The following PPP1R12B variants were observed in gnomAD, a reference collection of about 807,000 sequenced individuals.
PPP1R12B encodes the protein protein phosphatase 1 regulatory subunit 12B, also known as myosin phosphatase target subunit 2.
In PPP1R12B, 76 loss-of-function variants were observed where a neutral mutation model predicts 126.1. The ratio of observed to expected loss-of-function variants is 0.60; its 90% confidence interval spans 0.50 to 0.73. The LOEUF is 0.73. Among genes scored for constraint, PPP1R12B ranks in the 30% least tolerant of loss-of-function variants. The probability of loss-of-function intolerance (pLI) is 0.00; values close to 1 mark genes in which losing one functional copy is unlikely to be tolerated. For synonymous variants in PPP1R12B, 356 were observed against 434.7 expected (o/e 0.82, Z 2.25); for missense variants, 1,052 against 1,205.1 (o/e 0.87, Z 1.88).
chr1:202,496,152 T>A (rs1366954629), intron 17 of PPP1R12B, among the ~76,000 whole-genome samples: 1 of 152,244 alleles, frequency 6.6e-6, no homozygotes, highest in Non-Finnish European at 1.5e-5. Flanking sequence ...TTAGTTTTAC[T>A]GTTTTAGAGA....
chr1:202,511,083 CAG>C (rs1681439394), intron 18 of PPP1R12B, among the ~76,000 whole-genome samples: 2 of 146,248 alleles, frequency 1.4e-5, no homozygotes, highest in Non-Finnish European at 3.0e-5. Flanking sequence ...TATATATTAG[CAG>C]AGTCTTTTAA....
At chr1:202,554,108 T>C (rs1184389639) in intron 18 of PPP1R12B, among the ~76,000 whole-genome samples, 1 of 152,128 alleles carries the variant, frequency 6.6e-6, no homozygotes, top group Non-Finnish European at 1.5e-5. Context: ...TAAATCCAAC[T>C]AGTGTTTTTT....
Position 202,377,832 on chromosome 1 carries a change from G to GTTTTTTTTTTT in PPP1R12B, c.291+28707_291+28717dup, listed in dbSNP as rs74860606. On this transcript the variant is annotated intron_variant, in intron 1 of 23. Coordinates refer to ENST00000608999, the MANE Select transcript of PPP1R12B (RefSeq NM_002481.4). ...GGAGAAAGAAAGGTCAAAGACAGGT[G>GTTTTTTTTTTT]TTTTTTTTTTTTTTTTTTTTTTTTT... Among the ~76,000 whole-genome samples, 27 of 97,266 alleles carry GTTTTTTTTTTT rather than the reference G, an allele frequency of 2.8e-4. 5 individuals carry two copies. Among genetic ancestry groups the GTTTTTTTTTTT allele is most frequent in the African/African-American group, 1.3e-3 (26 of 20,138 alleles). The allele number at this position is 97,266 out of a possible 152,430, so 63.8% of individuals were successfully genotyped here.
intron 13 of PPP1R12B, among the ~76,000 whole-genome samples, chr1:202,486,446 C>A (rs1284980821): frequency 1.3e-5 from 2 of 152,072 alleles, no homozygotes; most frequent in Non-Finnish European, 2.9e-5. Flanking sequence ...TCTTAAAAAA[C>A]AATTACCAAA....
intron 18 of PPP1R12B, among the ~76,000 whole-genome samples, chr1:202,509,769 T>C (rs1681222951): frequency 6.6e-6 from 1 of 152,168 alleles, no homozygotes. Flanking sequence ...GGAAAAACAT[T>C]TTGGGGATTT....
chr1:202,516,031 T>C (rs1417159560), intron 18 of PPP1R12B, among the ~76,000 whole-genome samples: 1 of 152,216 alleles, frequency 6.6e-6, no homozygotes, highest in Non-Finnish European at 1.5e-5. Flanking sequence ...TGCCAAATTA[T>C]ATACTCCCTG....
chr1:202,505,716 T>C (rs1680732397), intron 18 of PPP1R12B, among the ~76,000 whole-genome samples: 1 of 152,230 alleles, frequency 6.6e-6, no homozygotes, highest in Admixed American at 6.5e-5. Context: ...TAGTTATTTA[T>C]GTAGTAAAGT....
chr1:202,504,156 A>G (rs1385355388), intron 18 of PPP1R12B, among the ~76,000 whole-genome samples: 3 of 152,090 alleles, frequency 2.0e-5, no homozygotes, highest in Non-Finnish European at 4.4e-5. Flanking sequence ...GCACTTTAGG[A>G]GGCCGAGGCA....
chr1:202,378,950 C>G (rs539240835), intron 1 of PPP1R12B, among the ~76,000 whole-genome samples: 4 of 152,288 alleles, frequency 2.6e-5, no homozygotes, highest in African/African-American at 7.2e-5. Context: ...CCATTGCCCA[C>G]TCTTTGCCCA....
rs755715183 is a variant in PPP1R12B, at chr1:202,495,687, G to A, written c.2448+5G>A. 6.2e-7 allele frequency: 1 copy of A among 1,612,598 alleles called. No homozygotes were observed. The highest frequency in any genetic ancestry group is 1.1e-5 in the South Asian group (1 of 91,042). On this transcript the variant is annotated splice_donor_5th_base_variant and intron_variant, in intron 17 of 23. Coordinates refer to ENST00000608999, the MANE Select transcript of PPP1R12B (RefSeq NM_002481.4). ...ATCAATTTCTGGACAAAGGATGTAA[G>A]TGGATTGGTCTGTGCTGAGGCATAT...
chr1:202,462,970 C>G, intron 13 of PPP1R12B: 1 of 985,238 alleles, frequency 1.0e-6, no homozygotes, highest in Non-Finnish European at 1.2e-6. Flanking sequence ...GGAAGTTGAT[C>G]TGGGTGTTCT....
At chr1:202,466,662 C>G (rs572237001) in intron 13 of PPP1R12B, among the ~76,000 whole-genome samples, 1 of 152,262 alleles carries the variant, frequency 6.6e-6, no homozygotes, top group East Asian at 1.9e-4. Flanking sequence ...TTCATGTAGG[C>G]ACTCCATAAC....
At position 202,365,237 on chromosome 1, in the gene PPP1R12B, G is replaced by A. The variant is rs567929866; in HGVS notation, c.291+16095G>A. On this transcript the variant is annotated intron_variant, in intron 1 of 23. Coordinates refer to ENST00000608999, the MANE Select transcript of PPP1R12B (RefSeq NM_002481.4). ...TGCCAAGGCGAGAGGATCACTTGAGGCCAGGAGTTTGAGACCAGCCTGGGC... is the reference window on the plus strand; with the variant it reads ...TGCCAAGGCGAGAGGATCACTTGAGACCAGGAGTTTGAGACCAGCCTGGGC... 4.6e-5 allele frequency among the ~76,000 whole-genome samples: 7 copies of A among 152,054 alleles called. No homozygotes were observed. The South Asian group carries it at 1.5e-3, about 32-fold the overall frequency.
chr1:202,553,379 C>G (rs954759297), intron 18 of PPP1R12B, among the ~76,000 whole-genome samples: 2 of 152,182 alleles, frequency 1.3e-5, no homozygotes, highest in African/African-American at 4.8e-5. Flanking sequence ...TAGTGGCCAT[C>G]ATTTGTCTTC....
intron 13 of PPP1R12B, among the ~76,000 whole-genome samples, chr1:202,474,806 A>G (rs1399173630): frequency 6.6e-6 from 1 of 152,198 alleles, no homozygotes; most frequent in East Asian, 1.9e-4. Context: ...CAGTGACCAC[A>G]TGTGACTAGT....
At chr1:202,365,493 T>G (rs1343646332) in intron 1 of PPP1R12B, among the ~76,000 whole-genome samples, 1 of 152,170 alleles carries the variant, frequency 6.6e-6, no homozygotes, top group East Asian at 1.9e-4. Context: ...TGCTATGCAT[T>G]TTGCTTTTTA....
intron 1 of PPP1R12B, among the ~76,000 whole-genome samples, chr1:202,374,893 G>A (rs1367990236): frequency 5.9e-5 from 9 of 151,830 alleles, no homozygotes; most frequent in Admixed American, 1.3e-4. Flanking sequence ...TACAGAAACA[G>A]TCTGCTGAAT....
intron 18 of PPP1R12B, among the ~76,000 whole-genome samples, chr1:202,554,286 G>C (rs1234813651): frequency 6.6e-6 from 1 of 152,140 alleles, no homozygotes; most frequent in Non-Finnish European, 1.5e-5. Context: ...AAGCTATCTT[G>C]TCTTACTCTT....
intron 1 of PPP1R12B, among the ~76,000 whole-genome samples, chr1:202,381,758 T>C (rs748367194): frequency 2.6e-4 from 39 of 152,160 alleles, no homozygotes; most frequent in Non-Finnish European, 5.3e-4. Flanking sequence ...CATGTTAATA[T>C]TAGAATTTTA....
Sources: allele counts gnomAD v4.1 joint callset (sites outside exome capture counted in the v4.1 genomes callset), GRCh38; gene constraint gnomAD v4.1.1; transcripts MANE v1.5; gene names NCBI Gene and HGNC (gene_info 2026-07-23, HGNC 2026-07-21).